KHDRBS2: variants seen among roughly 807,000 people sequenced by gnomAD.
KHDRBS2 encodes KH RNA binding domain containing, signal transduction associated 2.
In KHDRBS2, 26 loss-of-function variants were observed where a neutral mutation model predicts 44.3. That is an observed-to-expected ratio of 0.59 (90% CI 0.43 to 0.81). KHDRBS2 has a LOEUF of 0.81. Among genes scored for constraint, KHDRBS2 ranks in the 40% least tolerant of loss-of-function variants. The pLI is 0.00. For missense variants in KHDRBS2, 476 were observed against 433.1 expected (o/e 1.10, Z -0.88); for synonymous variants, 194 against 151.1 (o/e 1.28, Z -2.08).
intron 2 of KHDRBS2, among the ~76,000 whole-genome samples, chr6:62,144,104 A>G (rs1229090008): frequency 2.0e-5 from 3 of 151,918 alleles, no homozygotes; most frequent in South Asian, 2.1e-4. Context: ...TCAACCAGTT[A>G]CCATCTTCTT....
intron 6 of KHDRBS2, among the ~76,000 whole-genome samples, chr6:61,790,214 A>G (rs1784418027): frequency 1.3e-5 from 2 of 151,388 alleles, no homozygotes. Context: ...AAAATATTAG[A>G]AGGATTTCCT....
chr6:61,557,533 T>C, the KHDRBS2 span, among the ~76,000 whole-genome samples: 1 of 152,210 alleles, frequency 6.6e-6, no homozygotes, highest in Non-Finnish European at 1.5e-5. Flanking sequence ...CACTCCTTGC[T>C]AGTATTTTGT....
intron 4 of KHDRBS2, among the ~76,000 whole-genome samples, chr6:61,928,136 T>C (rs1351917974): frequency 1.1e-4 from 17 of 152,148 alleles, no homozygotes; most frequent in Non-Finnish European, 4.4e-5. Context: ...CTGAGAATTT[T>C]CACAGGAGAA....
At chr6:61,662,621 T>A in the KHDRBS2 span, among the ~76,000 whole-genome samples, 3 of 152,044 alleles carry the variant, frequency 2.0e-5, no homozygotes, top group South Asian at 6.2e-4. Flanking sequence ...AAAGAAGACA[T>A]TTATGCAGCC....
chr6:61,785,449 T>G (rs1783654899), intron 6 of KHDRBS2, among the ~76,000 whole-genome samples: 1 of 152,154 alleles, frequency 6.6e-6, no homozygotes, highest in East Asian at 1.9e-4. Context: ...CCTTATTACC[T>G]AGTAATATAT....
chr6:61,951,633 A>G (rs1239351831), intron 4 of KHDRBS2, among the ~76,000 whole-genome samples: 1 of 152,038 alleles, frequency 6.6e-6, no homozygotes, highest in African/African-American at 2.4e-5. Flanking sequence ...ACACACAGTA[A>G]AGGTACTTTA....
At chr6:61,695,326 T>C (rs1767790035) in intron 8 of KHDRBS2, among the ~76,000 whole-genome samples, 1 of 152,216 alleles carries the variant, frequency 6.6e-6, no homozygotes, top group Non-Finnish European at 1.5e-5. Flanking sequence ...AGGTACTTAA[T>C]GCTCTCAGTC....
intron 1 of KHDRBS2, among the ~76,000 whole-genome samples, chr6:62,184,942 T>C (rs1259026136): frequency 1.3e-5 from 2 of 151,928 alleles, no homozygotes; most frequent in African/African-American, 4.8e-5. Flanking sequence ...TCCACACTAA[T>C]GCAAAATTTC....
At chr6:61,568,795 A>G in the KHDRBS2 span, among the ~76,000 whole-genome samples, 14 of 152,340 alleles carry the variant, frequency 9.2e-5, no homozygotes, top group Non-Finnish European at 1.9e-4. Flanking sequence ...GCCATCCCTG[A>G]CTATCTCTCA....
intron 3 of KHDRBS2, among the ~76,000 whole-genome samples, chr6:62,012,272 A>C (rs186369346): frequency 6.6e-6 from 1 of 152,142 alleles, no homozygotes; most frequent in Non-Finnish European, 1.5e-5. Context: ...TGATCTCAAA[A>C]CACATTCCAA....
At chr6:61,767,465 T>C (rs1780182213) in intron 6 of KHDRBS2, among the ~76,000 whole-genome samples, 1 of 152,134 alleles carries the variant, frequency 6.6e-6, no homozygotes, top group South Asian at 2.1e-4. Flanking sequence ...TTCAATATTA[T>C]TATTGATAAG....
chr6:62,082,582 T>G (rs1420660059), intron 2 of KHDRBS2, among the ~76,000 whole-genome samples: 1 of 152,132 alleles, frequency 6.6e-6, no homozygotes, highest in Non-Finnish European at 1.5e-5. Flanking sequence ...GGTACAAAGA[T>G]AGATATGTGA....
At chr6:62,064,832 G>C (rs1793129700) in intron 2 of KHDRBS2, among the ~76,000 whole-genome samples, 1 of 151,126 alleles carries the variant, frequency 6.6e-6, no homozygotes, top group Admixed American at 6.6e-5. Context: ...ACTACCATCA[G>C]AGTGAACAGG....
At chr6:61,599,324 A>G in the KHDRBS2 span, among the ~76,000 whole-genome samples, 1 of 152,148 alleles carries the variant, frequency 6.6e-6, no homozygotes, top group African/African-American at 2.4e-5. Context: ...GTATTCTTTC[A>G]TATATAGTCA....
chr6:61,546,035 C>T, the KHDRBS2 span, among the ~76,000 whole-genome samples: 2 of 152,012 alleles, frequency 1.3e-5, no homozygotes, highest in Non-Finnish European at 2.9e-5. Context: ...AGTAGCAGCC[C>T]AAGCTGACTA....
chr6:61,964,647 G>A (rs138492394), intron 4 of KHDRBS2, among the ~76,000 whole-genome samples: 275 of 152,138 alleles, frequency 1.8e-3, no homozygotes, highest in African/African-American at 6.4e-3. Context: ...AACACTTGAT[G>A]AACTTAATTA....
At position 62,265,201 on chromosome 6, in the gene KHDRBS2, T is replaced by G. The variant is rs143518467; in HGVS notation, c.91+20657A>C. The stretch of plus-strand genomic sequence containing the variant: ...GTTGCAATATACACTAAAATATTAT[T>G]TATCTAGAAAATGAGCTATTTGATC... On this transcript the variant is annotated intron_variant, in intron 1 of 8. Coordinates refer to ENST00000281156, the MANE Select transcript of KHDRBS2 (RefSeq NM_152688.4). Among the ~76,000 whole-genome samples the G allele has an allele frequency of 2.5e-3, 387 of 152,048 alleles. 3 individuals are homozygous for G. Among genetic ancestry groups the G allele is most frequent in the African/African-American group, 8.5e-3 (354 of 41,534 alleles).
chr6:61,993,723 C>T lies in KHDRBS2; in HGVS notation c.337-15511G>A, dbSNP rs149118255. Among the ~76,000 whole-genome samples, 14 of 136,810 alleles carry T rather than the reference C, an allele frequency of 1.0e-4. No individual in the cohort carries two copies. In the East Asian group the frequency reaches 3.1e-3, roughly 30 times the overall value. The allele number at this position is 136,810 out of a possible 152,430, so 89.8% of individuals were successfully genotyped here. On this transcript the variant is annotated intron_variant, in intron 3 of 8. Coordinates refer to ENST00000281156, the MANE Select transcript of KHDRBS2 (RefSeq NM_152688.4). ...TATATTTAGCTGCTTGCTCCTGGTG[C>T]TAACATTGCTATAGCTCTGAAAAGA...
intron 4 of KHDRBS2, among the ~76,000 whole-genome samples, chr6:61,921,871 A>C (rs1241621216): frequency 6.6e-6 from 1 of 151,978 alleles, no homozygotes; most frequent in Non-Finnish European, 1.5e-5. Flanking sequence ...ACTACTTTTA[A>C]ATTTTAATGC....
Sources: gnomAD v4.1 joint callset for allele counts (sites outside exome capture counted in the v4.1 genomes callset) on GRCh38, gnomAD v4.1.1 for gene constraint, MANE v1.5 for transcripts, NCBI Gene and HGNC (gene_info 2026-07-23, HGNC 2026-07-21) for gene names.